The following MAPK10 variants were observed in gnomAD, a reference collection of about 807,000 sequenced individuals.
The protein encoded by MAPK10 is mitogen-activated protein kinase 10, also known as JNK3 alpha protein kinase.
In MAPK10, 25 loss-of-function variants were observed where a neutral mutation model predicts 59.3. The ratio of observed to expected loss-of-function variants is 0.42; its 90% confidence interval spans 0.31 to 0.59. MAPK10 has a LOEUF of 0.59. MAPK10 is among the 20% of genes least tolerant of loss of function. The pLI is 0.15. For missense variants in MAPK10, 351 were observed against 568.9 expected (o/e 0.62, Z 3.90); for synonymous variants, 190 against 200.5 (o/e 0.95, Z 0.44).
chr4:86,364,396 TGAG>T (rs1564732619), upstream of MAPK10, among the ~76,000 whole-genome samples: 1 of 152,154 alleles, frequency 6.6e-6, no homozygotes, highest in Non-Finnish European at 1.5e-5. Context: ...CCCAACGTGC[TGAG>T]ATTACAGGCA....
intron 3 of MAPK10, among the ~76,000 whole-genome samples, chr4:86,168,770 C>G (rs1210541555): frequency 6.6e-6 from 1 of 152,190 alleles, no homozygotes; most frequent in African/African-American, 2.4e-5. Context: ...TCAAGTGGGT[C>G]CCTGACCCCT....
At chr4:86,087,835 C>T (rs2052233756) in intron 9 of MAPK10, among the ~76,000 whole-genome samples, 1 of 151,850 alleles carries the variant, frequency 6.6e-6, no homozygotes, top group South Asian at 2.1e-4. Flanking sequence ...TATTAATCCT[C>T]AAGTGTGTAT....
Position 86,450,023 on chromosome 4 carries a change from T to A in MAPK10, c.-122+3007A>T, listed in dbSNP as rs968628674. On this transcript the variant is annotated intron_variant, in intron 1 of 13. Transcript: ENST00000361569. ...AAATGCAGCCCAGCTGATCCTTTGATGTAATCTTGGGAAACTCTAAGCAGA... is the reference window on the plus strand; with the variant it reads ...AAATGCAGCCCAGCTGATCCTTTGAAGTAATCTTGGGAAACTCTAAGCAGA... Among the ~76,000 whole-genome samples the A allele has an allele frequency of 4.6e-5, 7 of 152,252 alleles. No homozygotes were observed. The East Asian group carries it at 1.3e-3, about 29-fold the overall frequency.
intron 3 of MAPK10, among the ~76,000 whole-genome samples, chr4:86,186,303 G>A (rs1432097166): frequency 6.6e-6 from 1 of 152,112 alleles, no homozygotes; most frequent in African/African-American, 2.4e-5. Flanking sequence ...TAGCACTGGA[G>A]TTCTTATTAG....
chr4:86,073,071 T>G (rs2048381920), intron 9 of MAPK10, among the ~76,000 whole-genome samples: 1 of 94,984 alleles, frequency 1.1e-5, no homozygotes, highest in African/African-American at 4.6e-5. Context: ...CAATTTCAGC[T>G]CCTGTTATTG....
At chr4:86,469,724 T>G (rs1027002412) in intron 1 of MAPK10, among the ~76,000 whole-genome samples, 1 of 152,212 alleles carries the variant, frequency 6.6e-6, no homozygotes, top group African/African-American at 2.4e-5. Flanking sequence ...AAGAAGCCAT[T>G]CTTTCACCAG....
At chr4:86,091,536 A>ATTTTTTTTT (rs71657508) in intron 9 of MAPK10, 13 of 67,418 alleles carry the variant, frequency 1.9e-4, no homozygotes, top group Admixed American at 4.4e-4. Flanking sequence ...AAATCCCTTG[A>ATTTTTTTTT]TTTTTTTTTT....
intron 1 of MAPK10, among the ~76,000 whole-genome samples, chr4:86,396,512 C>CA (rs1009244699): frequency 6.6e-6 from 1 of 151,896 alleles, no homozygotes; most frequent in African/African-American, 2.4e-5. Flanking sequence ...AACTTAGTAC[C>CA]AAAAAAATGT....
At chr4:86,306,540 G>A (rs560861468) in intron 2 of MAPK10, among the ~76,000 whole-genome samples, 1 of 152,264 alleles carries the variant, frequency 6.6e-6, no homozygotes, top group South Asian at 2.1e-4. Context: ...TAGCAAATCA[G>A]TTGCATCAGT....
intron 2 of MAPK10, among the ~76,000 whole-genome samples, chr4:86,196,452 T>C (rs1473078925): frequency 1.3e-5 from 2 of 152,226 alleles, no homozygotes; most frequent in Non-Finnish European, 2.9e-5. Flanking sequence ...CTTTATAGAT[T>C]CTGGATATTA....
At chr4:86,230,670 A>T (rs578196191) in intron 2 of MAPK10, among the ~76,000 whole-genome samples, 1 of 152,332 alleles carries the variant, frequency 6.6e-6, no homozygotes, top group East Asian at 1.9e-4. Context: ...TTAGTATAGA[A>T]CTAATTTATA....
At chr4:86,394,249 A>C (rs1310282185) in intron 1 of MAPK10, among the ~76,000 whole-genome samples, 1 of 152,068 alleles carries the variant, frequency 6.6e-6, no homozygotes, top group East Asian at 1.9e-4. Context: ...AGCCTGGGCA[A>C]CACAGCAAGA....
At chr4:86,577,584 G>T (rs944970073) in intron 1 of MAPK10, among the ~76,000 whole-genome samples, 1 of 152,098 alleles carries the variant, frequency 6.6e-6, no homozygotes, top group Non-Finnish European at 1.5e-5. Flanking sequence ...GTTGAGAGGA[G>T]ATTTATGTTT....
intron 2 of MAPK10, among the ~76,000 whole-genome samples, chr4:86,216,003 T>C (rs2087443705): frequency 6.6e-6 from 1 of 152,004 alleles, no homozygotes; most frequent in Admixed American, 6.6e-5. Context: ...ATATGAACCC[T>C]TGTGCCCTAT....
intron 2 of MAPK10, among the ~76,000 whole-genome samples, chr4:86,227,533 A>G (rs2090870463): frequency 6.6e-6 from 1 of 151,940 alleles, no homozygotes; most frequent in Admixed American, 6.6e-5. Flanking sequence ...AAAAAGACGC[A>G]TAGATGGTAC....
intron 1 of MAPK10, among the ~76,000 whole-genome samples, chr4:86,585,613 T>C (rs1273314722): frequency 2.0e-5 from 3 of 152,242 alleles, no homozygotes; most frequent in Admixed American, 6.5e-5. Flanking sequence ...TATAGTTCTC[T>C]ACTTTAACTT....
intron 1 of MAPK10, among the ~76,000 whole-genome samples, chr4:86,528,927 C>T (rs181097674): frequency 5.1e-4 from 77 of 152,242 alleles, no homozygotes; most frequent in South Asian, 3.9e-3. Flanking sequence ...AGAGGTTAGA[C>T]CTTCAGTTTT....
chr4:86,014,303 G>GGTGTGTGTGTGTGTGTGTGTGT lies in MAPK10; in HGVS notation c.*2903_*2924dup, dbSNP rs58674852. The GGTGTGTGTGTGTGTGTGTGTGT allele has an allele frequency of 6.9e-6, 1 of 143,892 alleles. No individual in the cohort carries two copies. The highest frequency in any genetic ancestry group is 2.6e-5 in the African/African-American group (1 of 38,416). The allele number at this position is 143,892 out of a possible 1,614,324, so 8.9% of individuals were successfully genotyped here. A position where few individuals can be genotyped will look rare whatever the true frequency, so the allele number is the denominator to read the frequency against. ...AGGTGACTATTTAAGAAATATTTGG[G>GGTGTGTGTGTGTGTGTGTGTGT]GTGTGTGTGTGTGTGTGTGTGTGTG... is the stretch of plus-strand genomic sequence containing the variant. On this transcript the variant is annotated 3_prime_UTR_variant, in exon 14 of 14. Coordinates refer to ENST00000641462, the MANE Select transcript of MAPK10 (RefSeq NM_138982.4).
intron 2 of MAPK10, among the ~76,000 whole-genome samples, chr4:86,221,655 T>TTTTG (rs563542504): frequency 0.046 from 6,912 of 151,676 alleles, 202 homozygotes; most frequent in African/African-American, 0.071. Flanking sequence ...CCTGGCTGAT[T>TTTTG]TTTGTTTGTT....
Sources: gnomAD v4.1 joint callset for allele counts (sites outside exome capture counted in the v4.1 genomes callset) on GRCh38, gnomAD v4.1.1 for gene constraint, MANE v1.5 for transcripts, NCBI Gene and HGNC (gene_info 2026-07-23, HGNC 2026-07-21) for gene names.